The following UTRN variants were observed in gnomAD, a reference collection of about 807,000 sequenced individuals.
UTRN encodes the protein dystrophin-related protein 1.
UTRN carries 283 observed loss-of-function variants against 463.9 expected under a neutral mutation model. That is an observed-to-expected ratio of 0.61 (90% confidence interval 0.55 to 0.67). The LOEUF (loss-of-function observed/expected upper bound fraction) is 0.67, where lower values mean the gene tolerates loss of function less well. Ranked by LOEUF, UTRN falls within the 30% of genes least tolerant of loss-of-function variation. UTRN has a pLI of 0.00. For missense variants in UTRN, 3,922 were observed against 4,084.3 expected (o/e 0.96, Z 1.08); for synonymous variants, 1,442 against 1,431.5 (o/e 1.01, Z -0.17).
At position 144,491,037 on chromosome 6, in the gene UTRN, C is replaced by T; in HGVS notation, c.4372C>T (p.Leu1458Phe). Residue 1458 changes from leucine to phenylalanine, a missense_variant, in exon 32 of 75, where the codon CTT becomes TTT. Around this residue, in one of 3 missense-constraint regions of UTRN, gnomAD observed 2,349 missense variants for 2,303.8 expected, o/e 1.02. Transcript: ENST00000367545. Reference protein sequence around the residue: ...KRVLDGVKAELHVLDVKDVDP... With the variant: ...KRVLDGVKAEFHVLDVKDVDP... ...TGTGCTGGATGGCGTGAAAGCAGAA[C>T]TTCACGTTCTGGATGTGAAGGACGT... The T allele has an allele frequency of 1.2e-6, 2 of 1,614,072 alleles. No homozygotes were observed. Among genetic ancestry groups the T allele is most frequent in the Non-Finnish European group, 1.7e-6 (2 of 1,179,988 alleles).
At chr6:144,702,851 G>A (rs544438894) in intron 53 of UTRN, among the ~76,000 whole-genome samples, 2 of 152,232 alleles carry the variant, frequency 1.3e-5, no homozygotes, top group South Asian at 2.1e-4. Context: ...AGATGAAGCT[G>A]GGGTGGCGGG....
chr6:144,500,102 A>G (rs971970075), intron 34 of UTRN, among the ~76,000 whole-genome samples: 1 of 152,146 alleles, frequency 6.6e-6, no homozygotes, highest in Non-Finnish European at 1.5e-5. Context: ...TTGGTAGAAC[A>G]GTTTATTTTC....
At chr6:144,813,171 A>T (rs1395220975) in intron 65 of UTRN, among the ~76,000 whole-genome samples, 1 of 150,988 alleles carries the variant, frequency 6.6e-6, no homozygotes, top group African/African-American at 2.4e-5. Context: ...TTATTTTTTT[A>T]TTTTTATTTT....
intron 22 of UTRN, 67 bp from the exon 23 acceptor site, chr6:144,462,587 C>T: frequency 7.1e-7 from 1 of 1,403,566 alleles, no homozygotes; most frequent in Non-Finnish European, 9.6e-7. Context: ...CTTTATATAG[C>T]CCATTTTACT....
chr6:144,513,816 G>A (rs1246534365), intron 35 of UTRN, 93 bp from the exon 36 acceptor site: 1 of 1,401,200 alleles, frequency 7.1e-7, no homozygotes, highest in Non-Finnish European at 9.6e-7. Context: ...TCATGGTACA[G>A]TTTGCTCTTT....
intron 2 of UTRN, among the ~76,000 whole-genome samples, chr6:144,356,167 G>A (rs1057273101): frequency 1.3e-5 from 2 of 152,032 alleles, no homozygotes; most frequent in African/African-American, 4.8e-5. Flanking sequence ...ATTACTTATC[G>A]ACATCTCAGG....
chr6:144,554,704 C>A lies in UTRN; in HGVS notation c.6945C>A (p.Asn2315Lys). Residue 2315 changes from asparagine to lysine, a missense_variant, in exon 49 of 75, where the codon AAC becomes AAA. Physicochemically the swap from Asn to Lys is moderately conservative, Grantham distance 94. This residue lies in a region of UTRN where 1,309 missense variants were observed against 1,452.6 expected (regional missense o/e 0.90). Coordinates refer to ENST00000367545, the MANE Select transcript of UTRN (RefSeq NM_007124.3). ...AITEKLERVK[N>K]QWDGTQHGVE... ...TACCCTCAGTGGAAAGGGTCAAGAA[C>A]CAGTGGGATGGCACCCAGCATGGCG... The A allele has an allele frequency of 6.2e-7, 1 of 1,613,692 alleles. No homozygotes were observed. The highest frequency in any genetic ancestry group is 8.5e-7 in the Non-Finnish European group (1 of 1,179,924).
At chr6:144,539,742 C>T (rs1438819299) in intron 45 of UTRN, among the ~76,000 whole-genome samples, 1 of 151,892 alleles carries the variant, frequency 6.6e-6, no homozygotes, top group Non-Finnish European at 1.5e-5. Context: ...AAAATGAAGA[C>T]CTTAAAATAG....
chr6:144,400,459 A>C (rs542367199), intron 2 of UTRN, among the ~76,000 whole-genome samples: 4 of 152,258 alleles, frequency 2.6e-5, no homozygotes, highest in African/African-American at 9.6e-5. Context: ...CGTGCCCGAG[A>C]TCTGGGCCAA....
At chr6:144,463,364 A>G (rs1411780670) in intron 23 of UTRN, among the ~76,000 whole-genome samples, 1 of 152,208 alleles carries the variant, frequency 6.6e-6, no homozygotes, top group Non-Finnish European at 1.5e-5. Flanking sequence ...ATCCTTCACT[A>G]CACCTGAAAA....
At chr6:144,637,934 C>T (rs28421058) in intron 51 of UTRN, among the ~76,000 whole-genome samples, 3,977 of 152,204 alleles carry the variant, frequency 0.026, 176 homozygotes, top group African/African-American at 0.09. Flanking sequence ...GCCTTTTAAA[C>T]AACTTGAGTG....
chr6:144,318,495 G>A (rs1301855435), intron 2 of UTRN, among the ~76,000 whole-genome samples: 1 of 151,174 alleles, frequency 6.6e-6, no homozygotes, highest in Non-Finnish European at 1.5e-5. Context: ...ACCGAGTTTC[G>A]CTCTATCGCC....
intron 52 of UTRN, among the ~76,000 whole-genome samples, chr6:144,681,419 G>A (rs1782183878): frequency 6.6e-6 from 1 of 152,182 alleles, no homozygotes; most frequent in Non-Finnish European, 1.5e-5. Flanking sequence ...ATGAGATCCA[G>A]GAATGCTGTC....
chr6:144,330,385 A>C (rs1584305384), intron 2 of UTRN, among the ~76,000 whole-genome samples: 1 of 152,312 alleles, frequency 6.6e-6, no homozygotes, highest in African/African-American at 2.4e-5. Context: ...TTAGTGCATT[A>C]ATGGATGGAT....
At chr6:144,847,653 G>C (rs893840748) in intron 74 of UTRN, among the ~76,000 whole-genome samples, 1 of 152,150 alleles carries the variant, frequency 6.6e-6, no homozygotes, top group Admixed American at 6.5e-5. Context: ...AAGATAAGCT[G>C]TTAATTCACA....
chr6:144,303,970 A>C (rs1805507500), intron 2 of UTRN, among the ~76,000 whole-genome samples: 2 of 152,346 alleles, frequency 1.3e-5, no homozygotes, highest in South Asian at 4.1e-4. Context: ...AGATGTTGAG[A>C]AATATCTTAC....
chr6:144,694,944 A>G (rs1053203822), intron 52 of UTRN, among the ~76,000 whole-genome samples: 1 of 145,860 alleles, frequency 6.9e-6, no homozygotes, highest in Non-Finnish European at 1.5e-5. Flanking sequence ...GATCCTTTTT[A>G]GTCCCCAAAT....
At chr6:144,597,187 G>A (rs1378231552) in intron 51 of UTRN, among the ~76,000 whole-genome samples, 2 of 148,446 alleles carry the variant, frequency 1.3e-5, no homozygotes, top group Admixed American at 1.4e-4. Context: ...GCAGTGAACC[G>A]AGATTGTACC....
At chr6:144,525,969 G>A (rs181855094) in intron 41 of UTRN, among the ~76,000 whole-genome samples, 69 of 152,050 alleles carry the variant, frequency 4.5e-4, no homozygotes, top group Non-Finnish European at 8.1e-4. Context: ...AGGTTATTTC[G>A]TTTCCATATA....
Sources: allele counts gnomAD v4.1 joint callset (sites outside exome capture counted in the v4.1 genomes callset), GRCh38; gene constraint gnomAD v4.1.1; regional missense constraint gnomAD v4.1.1; transcripts MANE v1.5; gene names NCBI Gene and HGNC (gene_info 2026-07-23, HGNC 2026-07-21).